UGT3A1: variants seen among roughly 807,000 people sequenced by gnomAD.
UGT3A1 encodes UDP-glycosyltransferase 3A1.
A neutral mutation model predicts 37.6 loss-of-function variants in UGT3A1; 40 were observed. The observed-to-expected ratio is 1.06, with a 90% CI of 0.83 to 1.38. UGT3A1 has a LOEUF of 1.38. UGT3A1 is among the 40% of genes most tolerant of loss of function. The pLI, the probability that UGT3A1 is intolerant of heterozygous loss-of-function variation, is 0.00. For synonymous variants in UGT3A1, 256 were observed against 232.3 expected, an observed-to-expected ratio of 1.10 and a Z score of -0.93; for missense variants, 642 against 634.2, an observed-to-expected ratio of 1.01 and a Z score of -0.13.
chr5:35,990,091 C>CAA lies in UGT3A1; in HGVS notation c.94+1054_94+1055dup, dbSNP rs397975621. On this transcript the variant is annotated intron_variant, in intron 1 of 6. Coordinates refer to ENST00000274278, the MANE Select transcript of UGT3A1 (RefSeq NM_152404.4). ...TGGGCGACAGAGCAAGACTCCGTCT[C>CAA]AAAAAAAAAAAAAAAAAGAAAGAAA... 1.7e-3 allele frequency among the ~76,000 whole-genome samples: 200 copies of CAA among 115,438 alleles called. 2 individuals are homozygous for CAA. In the East Asian group the frequency reaches 0.041, roughly 24 times the overall value. The allele number at this position is 115,438 out of a possible 152,430, so 75.7% of individuals were successfully genotyped here. A position where few individuals can be genotyped will look rare whatever the true frequency, so the allele number is the denominator to read the frequency against.
At chr5:35,973,499 T>C (rs1303321771) in intron 2 of UGT3A1, among the ~76,000 whole-genome samples, 3 of 152,158 alleles carry the variant, frequency 2.0e-5, no homozygotes, top group Non-Finnish European at 4.4e-5. Context: ...GAATTAAACA[T>C]GGATGAAAGG....
At chr5:35,986,667 C>A (rs150293877) in intron 2 of UGT3A1, among the ~76,000 whole-genome samples, 1 of 151,936 alleles carries the variant, frequency 6.6e-6, no homozygotes, top group African/African-American at 2.4e-5. Flanking sequence ...TACTAGAGAC[C>A]GGAAATGGTA....
Position 35,988,450 on chromosome 5 carries a change from C to T in UGT3A1, c.196G>A (p.Asp66Asn). 2 of 1,582,370 alleles carry T rather than the reference C, an allele frequency of 1.3e-6. No individual in the cohort carries two copies. The highest frequency in any genetic ancestry group is 2.4e-5 in the South Asian group (2 of 83,892). The change falls in exon 2 of 7, where the codon GAT becomes AAT. Residue 66 changes from aspartate (D) to asparagine (N), a missense_variant and splice_region_variant. Asp to Asn is a conservative substitution (Grantham distance 23). Coordinates refer to ENST00000274278, the MANE Select transcript of UGT3A1 (RefSeq NM_152404.4). ...AAAAATTAGTTTTTAAAAAAGATAC[C>T]TGGGATCAAAAACTTTCCACTCTGA... ...LHQSGKFLIP[D>N]IKEEEKSYQV... is the part of the protein sequence containing the mutation.
At chr5:35,987,563 T>C (rs1159585430) in intron 2 of UGT3A1, among the ~76,000 whole-genome samples, 1 of 152,052 alleles carries the variant, frequency 6.6e-6, no homozygotes, top group Non-Finnish European at 1.5e-5. Flanking sequence ...CAAAGGAAAA[T>C]GTATAAAAAG....
rs751681321 is a variant in UGT3A1, at chr5:35,988,449, C to A, written c.196+1G>T. 43 of 1,585,470 alleles carry A rather than the reference C, an allele frequency of 2.7e-5. No individual in the cohort carries two copies. Among genetic ancestry groups the A allele is most frequent in the Non-Finnish European group, 3.7e-5 (43 of 1,168,300 alleles). On this transcript the variant is annotated splice_donor_variant, in intron 2 of 6. Transcript: ENST00000274278. LOFTEE classifies it high-confidence loss of function. ...TAAAAATTAGTTTTTAAAAAAGATA[C>A]CTGGGATCAAAAACTTTCCACTCTG...
intron 2 of UGT3A1, among the ~76,000 whole-genome samples, chr5:35,975,665 T>TTC (rs1270538110): frequency 6.6e-6 from 1 of 152,064 alleles, no homozygotes; most frequent in Non-Finnish European, 1.5e-5. Context: ...GTGAAGCATT[T>TTC]TTTTTTTTAC....
At chr5:35,991,411 C>T, upstream of UGT3A1, 1 of 1,453,694 alleles carries the variant, frequency 6.9e-7, no homozygotes. Context: ...TTTCCCGCTG[C>T]CCCTCCTCCC....
Position 35,968,007 on chromosome 5 carries a change from A to G in UGT3A1, c.311+12T>C. On this transcript the variant is annotated intron_variant, in intron 3 of 6. Coordinates refer to ENST00000274278, the MANE Select transcript of UGT3A1 (RefSeq NM_152404.4). Reference sequence around the variant, plus strand: ...TAGTGACTCTTTGCTTCATAGAATGAAAAGAAGTTACCTGCCATCCAATGC... The same window carrying G: ...TAGTGACTCTTTGCTTCATAGAATGGAAAGAAGTTACCTGCCATCCAATGC... 1 of 1,592,068 alleles carries G rather than the reference A, an allele frequency of 6.3e-7. No homozygotes were observed. Among genetic ancestry groups the G allele is most frequent in the East Asian group, 2.2e-5 (1 of 44,680 alleles).
chr5:35,971,652 T>C (rs1740043542), intron 2 of UGT3A1, among the ~76,000 whole-genome samples: 1 of 152,106 alleles, frequency 6.6e-6, no homozygotes, highest in African/African-American at 2.4e-5. Flanking sequence ...GAGGCCAATG[T>C]CCTCTGACTG....
chr5:35,990,966 T>G, intron 1 of UGT3A1, 181 bp downstream of exon 1: 4 of 1,505,786 alleles, frequency 2.7e-6, no homozygotes, highest in Non-Finnish European at 3.5e-6. Flanking sequence ...CTTCCTCACC[T>G]CAGCAATAGA....
chr5:35,971,338 C>T (rs772326767), intron 2 of UGT3A1, among the ~76,000 whole-genome samples: 2 of 152,128 alleles, frequency 1.3e-5, no homozygotes, highest in Non-Finnish European at 2.9e-5. Context: ...AGTTACATTC[C>T]TGAGAAGAAT....
At chr5:35,962,463 C>G in intron 4 of UGT3A1, 1 of 159,410 alleles carries the variant, frequency 6.3e-6, no homozygotes, top group Non-Finnish European at 1.4e-5. Context: ...TTGAGGTGGA[C>G]CCAGAGGAGC....
In UGT3A1 at chr5:35,957,273, T is replaced by G; in HGVS notation, c.990A>C (p.Thr330=). ...FAHLPQGVIW[T]CQSSHWPRDV... ...CTCTGGGCCAATGAGAACTCTGACA[T>G]GTCCATATCACTCCTTGAGGGAGGT... The change falls in exon 5 of 7, where the codon ACA becomes ACC. Residue 330 remains threonine (T), a synonymous_variant. Transcript: ENST00000274278. The G allele has an allele frequency of 6.2e-7, 1 of 1,614,156 alleles. No individual in the cohort carries two copies. The highest frequency in any genetic ancestry group is 8.5e-7 in the Non-Finnish European group (1 of 1,180,012).
intron 2 of UGT3A1, among the ~76,000 whole-genome samples, chr5:35,987,688 CTT>C (rs1740779987): frequency 6.6e-6 from 1 of 152,160 alleles, no homozygotes; most frequent in Non-Finnish European, 1.5e-5. Context: ...ATGACTCAGA[CTT>C]TTTCTCCCAA....
chr5:35,960,819 A>T (rs1468669847), intron 4 of UGT3A1: 1 of 152,074 alleles, frequency 6.6e-6, no homozygotes, highest in African/African-American at 2.4e-5. Flanking sequence ...TGGAAAGGAG[A>T]CGGAATGGGA....
intron 1 of UGT3A1, among the ~76,000 whole-genome samples, chr5:35,990,665 C>A (rs1740908741): frequency 6.6e-6 from 1 of 152,078 alleles, no homozygotes; most frequent in Non-Finnish European, 1.5e-5. Flanking sequence ...GCCACCCTGG[C>A]TCCATATGCA....
intron 1 of UGT3A1, among the ~76,000 whole-genome samples, chr5:36,000,452 A>G (rs888222933): frequency 1.3e-5 from 2 of 152,178 alleles, no homozygotes; most frequent in Non-Finnish European, 2.9e-5. Context: ...CTTCAACCAC[A>G]ATGGAAGGTC....
chr5:35,960,697 C>G (rs1739546349), intron 4 of UGT3A1: 1 of 152,256 alleles, frequency 6.6e-6, no homozygotes. Flanking sequence ...TCAACGCCCT[C>G]TTGGTACCCA....
At chr5:35,969,970 C>CAGTT (rs1739968268) in intron 2 of UGT3A1, among the ~76,000 whole-genome samples, 1 of 152,186 alleles carries the variant, frequency 6.6e-6, no homozygotes, top group South Asian at 2.1e-4. Flanking sequence ...AATAGACTTA[C>CAGTT]AGTTCCACAT....
Sources: gnomAD v4.1 joint callset for allele counts (sites outside exome capture counted in the v4.1 genomes callset) on GRCh38, gnomAD v4.1.1 for gene constraint, MANE v1.5 for transcripts, NCBI Gene and HGNC (gene_info 2026-07-23, HGNC 2026-07-21) for gene names.